CA10: variants seen among roughly 807,000 people sequenced by gnomAD.
CA10 encodes carbonic anhydrase-related protein 10.
Under a neutral mutation model 44.2 loss-of-function variants are expected in CA10, and 14 were observed. The ratio of observed to expected loss-of-function variants is 0.32; its 90% CI spans 0.21 to 0.50. CA10 has a LOEUF of 0.50. Among genes scored for constraint, CA10 ranks in the 20% least tolerant of loss-of-function variants. CA10 has a pLI of 0.99. For missense variants in CA10, 350 were observed against 409.7 expected (o/e 0.85, Z 1.26); for synonymous variants, 159 against 141.6 (o/e 1.12, Z -0.87).
intron 1 of CA10, among the ~76,000 whole-genome samples, chr17:52,077,095 A>T (rs1160911151): frequency 6.6e-6 from 1 of 152,240 alleles, no homozygotes; most frequent in Non-Finnish European, 1.5e-5. Flanking sequence ...GCAGTTTGAG[A>T]ACTGATGATT....
chr17:51,762,930 A>C (rs1457141641), intron 3 of CA10: 1 of 152,158 alleles, frequency 6.6e-6, no homozygotes, highest in Non-Finnish European at 1.5e-5. Context: ...TTCTATATCG[A>C]GGCAAGCCCC....
intron 2 of CA10, among the ~76,000 whole-genome samples, chr17:52,071,208 A>G (rs941201891): frequency 6.6e-6 from 1 of 152,190 alleles, no homozygotes; most frequent in Non-Finnish European, 1.5e-5. Flanking sequence ...ACTGGGCCAT[A>G]GAATAGATGT....
At chr17:51,920,888 A>G (rs203073) in intron 3 of CA10, among the ~76,000 whole-genome samples, 103,339 of 152,104 alleles carry the variant, frequency 0.68, 35,432 homozygotes, top group Non-Finnish European at 0.71. Flanking sequence ...AACTACCTTG[A>G]TCTCATTTTA....
At chr17:51,836,191 C>T (rs956949483) in intron 3 of CA10, among the ~76,000 whole-genome samples, 3 of 152,192 alleles carry the variant, frequency 2.0e-5, no homozygotes, top group South Asian at 4.1e-4. Context: ...AATAGGACTA[C>T]AACAGTCTTT....
chr17:51,796,632 A>G (rs557350173), intron 3 of CA10, among the ~76,000 whole-genome samples: 1 of 152,336 alleles, frequency 6.6e-6, no homozygotes, highest in South Asian at 2.1e-4. Flanking sequence ...CAATAGTCAC[A>G]AAATTGTATT....
intron 3 of CA10, among the ~76,000 whole-genome samples, chr17:51,766,097 G>A (rs763764235): frequency 2.6e-5 from 4 of 152,136 alleles, no homozygotes; most frequent in Non-Finnish European, 5.9e-5. Flanking sequence ...GGTTGCCTAC[G>A]AGGTATGAGA....
At chr17:51,814,069 T>A (rs1907475570) in intron 3 of CA10, among the ~76,000 whole-genome samples, 1 of 152,200 alleles carries the variant, frequency 6.6e-6, no homozygotes, top group African/African-American at 2.4e-5. Flanking sequence ...TCATTTTAAT[T>A]AATCTGGTCT....
At chr17:52,086,285 T>C (rs1327630055) in intron 1 of CA10, among the ~76,000 whole-genome samples, 1 of 152,196 alleles carries the variant, frequency 6.6e-6, no homozygotes, top group East Asian at 1.9e-4. Context: ...TTATTTCTCA[T>C]ACATATAAAT....
intron 2 of CA10, among the ~76,000 whole-genome samples, chr17:51,955,247 A>G: frequency 6.6e-6 from 1 of 152,092 alleles, no homozygotes; most frequent in Non-Finnish European, 1.5e-5. Flanking sequence ...TCAGAGCCTC[A>G]TTACCTCTGA....
chr17:51,685,287 T>C (rs1363832826), intron 4 of CA10, among the ~76,000 whole-genome samples: 3 of 152,132 alleles, frequency 2.0e-5, no homozygotes. Context: ...CTGTAAATCA[T>C]TTGAGACTCT....
chr17:52,040,125 C>T (rs867904115), intron 2 of CA10, among the ~76,000 whole-genome samples: 18 of 147,792 alleles, frequency 1.2e-4, no homozygotes, highest in South Asian at 1.1e-3. Context: ...TTAAGATCCC[C>T]TTTTTCCTTT....
At chr17:52,125,517 C>T (rs7504022) in intron 1 of CA10, among the ~76,000 whole-genome samples, 21,974 of 152,092 alleles carry the variant, frequency 0.14, 1,848 homozygotes, top group East Asian at 0.41. Context: ...GGAAGTGGGG[C>T]GGATCTCTAG....
chr17:51,960,393 T>C (rs955382099), intron 2 of CA10, among the ~76,000 whole-genome samples: 3 of 151,984 alleles, frequency 2.0e-5, no homozygotes, highest in Non-Finnish European at 4.4e-5. Context: ...AATTTACAGA[T>C]TTGGGAGGCT....
intron 4 of CA10, among the ~76,000 whole-genome samples, chr17:51,725,392 T>C (rs897356739): frequency 1.3e-5 from 2 of 152,242 alleles, no homozygotes; most frequent in African/African-American, 4.8e-5. Flanking sequence ...TCACTAAATG[T>C]CAAGGTTACA....
intron 2 of CA10, among the ~76,000 whole-genome samples, chr17:51,981,571 T>C (rs1334302900): frequency 6.6e-6 from 1 of 151,948 alleles, no homozygotes; most frequent in African/African-American, 2.4e-5. Context: ...ATGAAAGTGT[T>C]ATATCTTGGT....
chr17:51,850,681 G>A (rs1291070040), intron 3 of CA10, among the ~76,000 whole-genome samples: 1 of 152,172 alleles, frequency 6.6e-6, no homozygotes, highest in Non-Finnish European at 1.5e-5. Flanking sequence ...TGAAATAGAA[G>A]CCTCATGAAA....
rs989909470 is a variant in CA10, at chr17:51,863,103, T to C, written c.279+67887A>G. The stretch of plus-strand genomic sequence containing the variant: ...ATCTCATTTACTTCACTGGAAAATA[T>C]GAACCACAATAACTTCTCGATGAGG... On this transcript the variant is annotated intron_variant, in intron 3 of 8. Transcript: ENST00000451037. Among the ~76,000 whole-genome samples, 15 of 152,342 alleles carry C rather than the reference T, an allele frequency of 9.8e-5. No homozygotes were observed. In the East Asian group the frequency reaches 2.7e-3, roughly 27 times the overall value.
chr17:51,814,185 C>A (rs1318184214), intron 3 of CA10, among the ~76,000 whole-genome samples: 2 of 152,158 alleles, frequency 1.3e-5, no homozygotes, highest in Non-Finnish European at 2.9e-5. Flanking sequence ...GTAAGGTGGG[C>A]AAAATTTTAT....
intron 2 of CA10, among the ~76,000 whole-genome samples, chr17:52,055,360 A>C (rs527344272): frequency 3.6e-4 from 55 of 151,976 alleles, no homozygotes; most frequent in African/African-American, 1.2e-3. Context: ...AAAAAAAAAA[A>C]AACAAAGCAA....
Sources: allele counts gnomAD v4.1 joint callset (sites outside exome capture counted in the v4.1 genomes callset), GRCh38; gene constraint gnomAD v4.1.1; transcripts MANE v1.5; gene names NCBI Gene and HGNC (gene_info 2026-07-23, HGNC 2026-07-21).